Variants in KCNT1 observed in about 807,000 individuals in gnomAD.
KCNT1 encodes potassium sodium-activated channel subfamily T member 1, also known as potassium channel subfamily T member 1.
KCNT1 carries 78 observed loss-of-function variants against 147.8 expected under a neutral mutation model. That is an observed-to-expected ratio of 0.53 (90% CI 0.44 to 0.64). The LOEUF (loss-of-function observed/expected upper bound fraction) is 0.64. KCNT1 is among the 30% of genes least tolerant of loss of function. The probability of loss-of-function intolerance (pLI) is 0.00; values close to 1 mark genes in which losing one functional copy is unlikely to be tolerated. For missense variants in KCNT1, 1,419 were observed against 1,750.3 expected (o/e 0.81, Z 3.38); for synonymous variants, 867 against 748.8 (o/e 1.16, Z -2.58).
intron 13 of KCNT1, among the ~76,000 whole-genome samples, chr9:135,766,016 G>C (rs899330396): frequency 6.6e-6 from 1 of 151,996 alleles, no homozygotes; most frequent in Non-Finnish European, 1.5e-5. Flanking sequence ...GACCATACAG[G>C]GTGGATCATC....
intron 13 of KCNT1, 200 bp from the exon 14 acceptor site, chr9:135,768,410 G>A: frequency 3.9e-6 from 2 of 514,380 alleles, no homozygotes; most frequent in South Asian, 2.5e-5. Context: ...CCAGCAGAGA[G>A]TAGGGGCCTC....
At chr9:135,759,532 C>T in intron 10 of KCNT1, 147 bp from the exon 11 acceptor site, 1 of 769,488 alleles carries the variant, frequency 1.3e-6, no homozygotes, top group Non-Finnish European at 1.9e-6. Context: ...CTGATGCCAC[C>T]CAGCTGTCAG....
At position 135,730,714 on chromosome 9, in the gene KCNT1, G is replaced by A. The variant is rs556370980; in HGVS notation, c.254+15994G>A. On this transcript the variant is annotated intron_variant, in intron 2 of 30. Transcript: ENST00000371757. The surrounding 1 kb of genome is among the most constrained non-coding windows in gnomAD (Gnocchi z 4.7). ...TAAAACACTTGTGTTGGCCGGGTAC[G>A]GTGGCTCACACCTGAAATCTCAGCA... 6.6e-6 allele frequency among the ~76,000 whole-genome samples: 1 copy of A among 152,262 alleles called. No individual in the cohort carries two copies. Among genetic ancestry groups the A allele is most frequent in the East Asian group, 1.9e-4 (1 of 5,170 alleles).
intron 2 of KCNT1, among the ~76,000 whole-genome samples, chr9:135,738,849 G>T (rs1052096972): frequency 6.6e-6 from 1 of 152,162 alleles, no homozygotes; most frequent in Non-Finnish European, 1.5e-5. Context: ...CCTGTGTGAG[G>T]CTGGGGAGGG....
intron 2 of KCNT1, among the ~76,000 whole-genome samples, chr9:135,731,991 T>TATATAGAGAGAG (rs1276318460): frequency 1.2e-3 from 27 of 21,688 alleles, no homozygotes; most frequent in African/African-American, 2.8e-3. Context: ...TATATATATA[T>TATATAGAGAGAG]AGAGAGAGAG....
chr9:135,717,014 C>T (rs10858155), intron 2 of KCNT1, among the ~76,000 whole-genome samples: 34,921 of 148,782 alleles, frequency 0.23, 4,295 homozygotes, highest in South Asian at 0.31. Context: ...TGGTGGTGTG[C>T]ATAGGACGGG....
intron 9 of KCNT1, among the ~76,000 whole-genome samples, chr9:135,757,985 G>C (rs894966485): frequency 6.6e-6 from 1 of 152,256 alleles, no homozygotes; most frequent in African/African-American, 2.4e-5. Context: ...CCTCATCCCC[G>C]GGGATGTAGG....
intron 11 of KCNT1, among the ~76,000 whole-genome samples, chr9:135,763,126 C>T (rs1227681065): frequency 6.6e-5 from 10 of 152,244 alleles, no homozygotes; most frequent in Admixed American, 3.9e-4. Context: ...TCAGCCCTGC[C>T]GGACCTGGTG....
chr9:135,777,659 G>C, intron 21 of KCNT1, 149 bp downstream of exon 21: 1 of 746,716 alleles, frequency 1.3e-6, no homozygotes, highest in Non-Finnish European at 2.2e-6. Flanking sequence ...TCCTAAAAAG[G>C]GGGACTCTCC....
rs902057453 is a variant in KCNT1 at position 135,792,309 on chromosome 9, G to GC, written c.*152dup. 2.8e-5 allele frequency: 30 copies of GC among 1,073,430 alleles called. No homozygotes were observed. Among genetic ancestry groups the GC allele is most frequent in the Non-Finnish European group, 3.9e-5 (30 of 774,250 alleles). The allele number at this position is 1,073,430 out of a possible 1,614,324, so 66.5% of individuals were successfully genotyped here. ...TCCTGGGACTCCACCCTGGAAAGGA[G>GC]CCCCTCATGCGGGGGGAGGGCCAGC... On this transcript the variant is annotated 3_prime_UTR_variant, in exon 31 of 31. Transcript: ENST00000371757.
intron 16 of KCNT1, 120 bp downstream of exon 16, chr9:135,770,175 A>C (rs1832653798): frequency 1.4e-6 from 2 of 1,392,772 alleles, no homozygotes; most frequent in Non-Finnish European, 1.9e-6. Context: ...GGCGGGCAAA[A>C]GTCCTGCATA....
Position 135,777,194 on chromosome 9 carries a change from G to T in KCNT1, c.2350-144G>T, listed in dbSNP as rs965020256. On this transcript the variant is annotated intron_variant, in intron 20 of 30. Transcript: ENST00000371757. ...GGTGCCTGTAGCTCCCCACAGGCGT[G>T]TGCAGGCCGTGAAAGGGCTGTGGGC... The T allele has an allele frequency of 9.9e-6, 8 of 805,622 alleles. No homozygotes were observed. In the Admixed American group the frequency reaches 1.0e-4, roughly 11 times the overall value. 49.9% of individuals were successfully genotyped at this position (805,622 alleles called of 1,614,324 possible). A position where few individuals can be genotyped will look rare whatever the true frequency, so the allele number is the denominator to read the frequency against.
chr9:135,769,525 T>C (rs974401031), intron 15 of KCNT1, among the ~76,000 whole-genome samples: 7 of 152,060 alleles, frequency 4.6e-5, no homozygotes, highest in African/African-American at 1.7e-4. Flanking sequence ...CTGGGGTCAG[T>C]GAAGGCAGGG....
At chr9:135,767,801 C>T (rs370844791) in intron 13 of KCNT1, among the ~76,000 whole-genome samples, 33 of 152,070 alleles carry the variant, frequency 2.2e-4, no homozygotes, top group African/African-American at 8.0e-4. Context: ...ACCTGGCCAA[C>T]TTAGGGACAA....
intron 4 of KCNT1, 139 bp from the exon 5 acceptor site, chr9:135,753,798 A>G: frequency 2.5e-6 from 2 of 787,134 alleles, no homozygotes; most frequent in Non-Finnish European, 4.4e-6. Context: ...CAGGTGTTAG[A>G]GCTCTGATGT....
At chr9:135,750,828 G>A (rs1300481256) in intron 3 of KCNT1, 114 bp from the exon 4 acceptor site, 7 of 892,842 alleles carry the variant, frequency 7.8e-6, no homozygotes, top group Non-Finnish European at 1.3e-5. Context: ...GCCCGGGTGT[G>A]GGAGGGGAGC....
intron 28 of KCNT1, 164 bp from the exon 29 acceptor site, chr9:135,786,033 G>A: frequency 1.6e-6 from 1 of 623,970 alleles, no homozygotes; most frequent in Non-Finnish European, 2.8e-6. Flanking sequence ...GAAGGCACAT[G>A]CACCCTGGGG....
rs543308187 is a variant in KCNT1 at position 135,775,172 on chromosome 9, G to A, written c.2244-138G>A. ...GTTAAGGGAAGAACGGGCCACCTTG[G>A]GTCAGCTGTGCGTGACCCCGAGCAA... On this transcript the variant is annotated intron_variant, in intron 19 of 30. Coordinates refer to ENST00000371757, the MANE Select transcript of KCNT1 (RefSeq NM_020822.3). The A allele has an allele frequency of 2.2e-4, 126 of 575,268 alleles. 1 individual carries two copies. The South Asian group carries it at 2.8e-3, about 13-fold the overall frequency. The allele number at this position is 575,268 out of a possible 1,614,324, so 35.6% of individuals were successfully genotyped here.
At chr9:135,758,388 G>A (rs368730961) in intron 9 of KCNT1, 26 bp from the exon 10 acceptor site, 55 of 1,580,172 alleles carry the variant, frequency 3.5e-5, no homozygotes, top group Admixed American at 8.3e-5. Context: ...GTCCCTGCCC[G>A]CTGACAGCCA....
Sources: gnomAD v4.1 joint callset for allele counts (sites outside exome capture counted in the v4.1 genomes callset) on GRCh38, gnomAD v4.1.1 for gene constraint, Gnocchi (gnomAD v3.1) non-coding constraint, MANE v1.5 for transcripts, NCBI Gene and HGNC (gene_info 2026-07-23, HGNC 2026-07-21) for gene names.